NCALD: variants seen among roughly 807,000 people sequenced by gnomAD.
NCALD encodes the protein neurocalcin-delta.
NCALD carries 10 observed loss-of-function variants against 18.6 expected under a neutral mutation model. That is an observed-to-expected ratio of 0.54 (90% CI 0.33 to 0.91). The LOEUF (loss-of-function observed/expected upper bound fraction) is 0.91, where lower values mean the gene tolerates loss of function less well. Among genes scored for constraint, NCALD ranks in the 40% least tolerant of loss-of-function variants. NCALD has a pLI of 0.03. For missense variants in NCALD, 184 were observed against 247.6 expected (o/e 0.74, Z 1.72); for synonymous variants, 88 against 87.4 (o/e 1.01, Z -0.04).
chr8:102,028,702 A>G (rs1307204991), intron 1 of NCALD, among the ~76,000 whole-genome samples: 1 of 152,212 alleles, frequency 6.6e-6, no homozygotes, highest in African/African-American at 2.4e-5. Context: ...TGCCCGCCAT[A>G]TGTGAATTAC....
intron 1 of NCALD, among the ~76,000 whole-genome samples, chr8:102,020,960 C>T (rs1396651554): frequency 6.6e-6 from 1 of 152,168 alleles, no homozygotes; most frequent in African/African-American, 2.4e-5. Flanking sequence ...CACTCACCTC[C>T]ACCTGACTAA....
At chr8:101,822,333 C>T (rs558914815) in intron 4 of NCALD, among the ~76,000 whole-genome samples, 1 of 152,246 alleles carries the variant, frequency 6.6e-6, no homozygotes, top group African/African-American at 2.4e-5. Flanking sequence ...CACACATTGC[C>T]ATATTCCATG....
intron 4 of NCALD, among the ~76,000 whole-genome samples, chr8:101,883,079 G>A (rs1816548035): frequency 6.6e-6 from 1 of 152,172 alleles, no homozygotes; most frequent in South Asian, 2.1e-4. Context: ...CTTTTTGTAA[G>A]AAGAAATAGA....
chr8:101,794,361 G>C (rs1278156698), upstream of NCALD, among the ~76,000 whole-genome samples: 1 of 152,040 alleles, frequency 6.6e-6, no homozygotes, highest in African/African-American at 2.4e-5. Context: ...GAAAGAAATG[G>C]TTCCTTTTTC....
In NCALD at chr8:102,058,925, G is replaced by A. The variant is rs530525742; in HGVS notation, c.-209-38636C>T. On this transcript the variant is annotated intron_variant, in intron 1 of 6. Transcript: ENST00000311028. ...GTCCACCGTCACTGTCTTTGAAGAT[G>A]GAGGAGGGGGCTACAAGGAAAGGAA... Among the ~76,000 whole-genome samples the A allele has an allele frequency of 3.9e-5, 6 of 152,306 alleles. No homozygotes were observed. In the South Asian group the frequency reaches 6.2e-4, roughly 16 times the overall value.
At chr8:101,697,021 G>GA (rs1180677743) in intron 2 of NCALD, among the ~76,000 whole-genome samples, 2 of 151,324 alleles carry the variant, frequency 1.3e-5, no homozygotes, top group African/African-American at 4.9e-5. Flanking sequence ...CTGTTTTTTT[G>GA]AAAAAATTAA....
At chr8:101,770,473 G>A (rs1811537431) in intron 1 of NCALD, among the ~76,000 whole-genome samples, 1 of 152,140 alleles carries the variant, frequency 6.6e-6, no homozygotes, top group South Asian at 2.1e-4. Context: ...TGATGGTAAT[G>A]CTTTAAACTG....
intron 4 of NCALD, among the ~76,000 whole-genome samples, chr8:101,821,243 T>A (rs1372720487): frequency 2.0e-5 from 3 of 152,226 alleles, no homozygotes; most frequent in African/African-American, 7.2e-5. Flanking sequence ...TGAGTAGTGA[T>A]CAAATTGATT....
chr8:102,029,358 T>G (rs1349683852), intron 1 of NCALD, among the ~76,000 whole-genome samples: 1 of 152,162 alleles, frequency 6.6e-6, no homozygotes, highest in East Asian at 1.9e-4. Context: ...GTGGCGGGCC[T>G]TGAATGTCAG....
chr8:101,955,344 T>C (rs1563930501), intron 2 of NCALD, among the ~76,000 whole-genome samples: 1 of 152,164 alleles, frequency 6.6e-6, no homozygotes, highest in East Asian at 1.9e-4. Flanking sequence ...TGTGAATATA[T>C]AAAATCTCAC....
At position 101,694,625 on chromosome 8, in the gene NCALD, G is replaced by A. The variant is rs374919789; in HGVS notation, c.379-1729C>T. Among the ~76,000 whole-genome samples the A allele has an allele frequency of 1.0e-3, 159 of 152,216 alleles. 8 individuals are homozygous for A. The South Asian group carries it at 0.032, about 30-fold the overall frequency. On this transcript the variant is annotated intron_variant, in intron 2 of 3. Coordinates refer to ENST00000220931, the MANE Select transcript of NCALD (RefSeq NM_032041.3). Reference sequence around the variant, plus strand: ...TAGGGTGCTGTCTAGGATTATGGGTGTCCCTGGGGTAAGCTGAGCCATTTC... The same window carrying A: ...TAGGGTGCTGTCTAGGATTATGGGTATCCCTGGGGTAAGCTGAGCCATTTC...
At chr8:101,741,763 C>CAAAAAAAAAA (rs68064092) in intron 1 of NCALD, among the ~76,000 whole-genome samples, 1 of 69,794 alleles carries the variant, frequency 1.4e-5, no homozygotes, top group Non-Finnish European at 3.1e-5. Flanking sequence ...CTCATCTCTA[C>CAAAAAAAAAA]AAAAAAAAAA....
chr8:102,028,265 T>C (rs1159803773), intron 1 of NCALD, among the ~76,000 whole-genome samples: 3 of 152,226 alleles, frequency 2.0e-5, no homozygotes, highest in East Asian at 1.9e-4. Context: ...TATGTGTATA[T>C]ACAGGAAGAA....
At chr8:101,800,243 C>G (rs1299002908) in intron 4 of NCALD, among the ~76,000 whole-genome samples, 1 of 152,040 alleles carries the variant, frequency 6.6e-6, no homozygotes, top group Non-Finnish European at 1.5e-5. Context: ...CAAATATAGA[C>G]TATTAGCACA....
intron 4 of NCALD, among the ~76,000 whole-genome samples, chr8:101,821,662 A>G (rs540266871): frequency 6.6e-6 from 1 of 152,284 alleles, no homozygotes; most frequent in African/African-American, 2.4e-5. Flanking sequence ...AGTGCTTCCA[A>G]TCTATTGGAA....
At chr8:101,953,538 C>A (rs998232680) in intron 2 of NCALD, among the ~76,000 whole-genome samples, 5 of 152,204 alleles carry the variant, frequency 3.3e-5, no homozygotes, top group Non-Finnish European at 7.3e-5. Context: ...AATCTCCCTG[C>A]AAGGGCCAGG....
intron 4 of NCALD, among the ~76,000 whole-genome samples, chr8:101,838,485 G>A (rs1814505647): frequency 6.6e-6 from 1 of 152,244 alleles, no homozygotes; most frequent in Non-Finnish European, 1.5e-5. Flanking sequence ...CTCCCAAAGT[G>A]CTGGGATTAC....
At chr8:101,874,613 C>T (rs1428924742) in intron 4 of NCALD, among the ~76,000 whole-genome samples, 1 of 152,186 alleles carries the variant, frequency 6.6e-6, no homozygotes, top group East Asian at 1.9e-4. Flanking sequence ...TCATACCTCA[C>T]TGTAACCTCC....
At chr8:101,742,475 A>G (rs1185929618) in intron 1 of NCALD, among the ~76,000 whole-genome samples, 9 of 152,208 alleles carry the variant, frequency 5.9e-5, no homozygotes, top group Admixed American at 5.2e-4. Context: ...CCATTATAAG[A>G]AAATTATGCA....
Sources: gnomAD v4.1 joint callset for allele counts (sites outside exome capture counted in the v4.1 genomes callset) on GRCh38, gnomAD v4.1.1 for gene constraint, MANE v1.5 for transcripts, NCBI Gene and HGNC (gene_info 2026-07-23, HGNC 2026-07-21) for gene names.